DOCK8: variants seen among roughly 807,000 people sequenced by gnomAD.
The protein encoded by DOCK8 is dedicator of cytokinesis 8.
Under a neutral mutation model 245.6 loss-of-function variants are expected in DOCK8, and 141 were observed. The ratio of observed to expected loss-of-function variants is 0.57; its 90% confidence interval spans 0.50 to 0.66. The LOEUF (loss-of-function observed/expected upper bound fraction) is 0.66, where lower values mean the gene tolerates loss of function less well. Ranked by LOEUF, DOCK8 falls within the 30% of genes least tolerant of loss-of-function variation. The pLI, the probability that DOCK8 is intolerant of heterozygous loss-of-function variation, is 0.00. For missense variants in DOCK8, 2,965 were observed against 2,603.4 expected, an observed-to-expected ratio of 1.14 and a Z score of -3.02; for synonymous variants, 1,168 against 970.2, an observed-to-expected ratio of 1.20 and a Z score of -3.79.
At chr9:305,444 A>G (rs112566079) in intron 5 of DOCK8, among the ~76,000 whole-genome samples, 5,039 of 149,766 alleles carry the variant, frequency 0.034, 285 homozygotes, top group African/African-American at 0.1. Flanking sequence ...CACCACGCCC[A>G]GCTAATTTCT....
intron 1 of DOCK8, among the ~76,000 whole-genome samples, chr9:242,902 T>C (rs2047408845): frequency 6.6e-6 from 1 of 152,102 alleles, no homozygotes; most frequent in African/African-American, 2.4e-5. Context: ...CGCTGTCCAC[T>C]CTAAACAGTA....
intron 24 of DOCK8, among the ~76,000 whole-genome samples, chr9:392,056 T>G (rs1479949449): frequency 1.3e-5 from 2 of 151,146 alleles, no homozygotes; most frequent in Non-Finnish European, 2.9e-5. Flanking sequence ...GAGAATTGCT[T>G]GAACCTGGGA....
chr9:299,820 G>T (rs2049448167), intron 4 of DOCK8, among the ~76,000 whole-genome samples: 1 of 151,764 alleles, frequency 6.6e-6, no homozygotes, highest in African/African-American at 2.4e-5. Flanking sequence ...AGGAGATCGA[G>T]ACCATCCTGG....
At chr9:436,599 G>T (rs772093567) in intron 39 of DOCK8, among the ~76,000 whole-genome samples, 4 of 151,664 alleles carry the variant, frequency 2.6e-5, no homozygotes, top group Non-Finnish European at 2.9e-5. Flanking sequence ...TTTATATTTA[G>T]TAAGCCTTAC....
At chr9:366,949 A>G (rs1486014322) in intron 14 of DOCK8, among the ~76,000 whole-genome samples, 4 of 152,180 alleles carry the variant, frequency 2.6e-5, no homozygotes, top group African/African-American at 9.7e-5. Flanking sequence ...CTGAGAGAAT[A>G]CAGTGGTTAT....
At chr9:348,593 G>A (rs2052013642) in intron 14 of DOCK8, among the ~76,000 whole-genome samples, 1 of 152,208 alleles carries the variant, frequency 6.6e-6, no homozygotes, top group Admixed American at 6.5e-5. Context: ...CAATGGAGAA[G>A]TGGTGATGAA....
chr9:393,054 C>T (rs1184345498), intron 24 of DOCK8, among the ~76,000 whole-genome samples: 12 of 135,880 alleles, frequency 8.8e-5, no homozygotes, highest in Admixed American at 7.8e-4. Flanking sequence ...CCATTGCACT[C>T]CAGCCTGGGC....
chr9:342,297 CTTTTTTTT>C (rs34071975), intron 14 of DOCK8, among the ~76,000 whole-genome samples: 10,208 of 124,468 alleles, frequency 0.082, 454 homozygotes, highest in East Asian at 0.11. Context: ...TTTCTTTTTT[CTTTTTTTT>C]TTTTTTTTTG....
At chr9:405,101 A>G (rs1258438883) in intron 27 of DOCK8, 28 bp downstream of exon 27, 1 of 1,598,070 alleles carries the variant, frequency 6.3e-7, no homozygotes, top group Non-Finnish European at 8.6e-7. Flanking sequence ...TAACTAAAAG[A>G]ATTATTCAAG....
At chr9:354,322 G>A (rs867979628) in intron 14 of DOCK8, among the ~76,000 whole-genome samples, 12 of 152,168 alleles carry the variant, frequency 7.9e-5, no homozygotes, top group African/African-American at 2.9e-4. Flanking sequence ...GAATATTTTT[G>A]TGTGGGGAGT....
At chr9:236,691 T>C (rs1024272929) in intron 1 of DOCK8, among the ~76,000 whole-genome samples, 10 of 152,158 alleles carry the variant, frequency 6.6e-5, no homozygotes, top group Non-Finnish European at 2.9e-5. Flanking sequence ...AATCTCAAAA[T>C]CTCAGTGAAC....
chr9:300,626 C>A (rs1019329124), intron 4 of DOCK8, among the ~76,000 whole-genome samples: 5 of 151,482 alleles, frequency 3.3e-5, no homozygotes, highest in South Asian at 2.1e-4. Flanking sequence ...GAGAGAAGAT[C>A]GATCCAAATA....
intron 33 of DOCK8, 119 bp from the exon 34 acceptor site, chr9:426,766 T>C (rs2056518229): frequency 1.2e-6 from 1 of 807,610 alleles, no homozygotes; most frequent in African/African-American, 1.7e-5. Flanking sequence ...AGTTGCTCTG[T>C]TTTCATTTCA....
chr9:297,308 G>A (rs1442767244), intron 4 of DOCK8, among the ~76,000 whole-genome samples: 1 of 152,200 alleles, frequency 6.6e-6, no homozygotes, highest in South Asian at 2.1e-4. Flanking sequence ...TAAGGAGCCA[G>A]CGTCTGCACC....
chr9:316,597 G>A (rs1339676496), intron 6 of DOCK8, among the ~76,000 whole-genome samples: 2 of 152,168 alleles, frequency 1.3e-5, no homozygotes, highest in Non-Finnish European at 2.9e-5. Flanking sequence ...ATGGTTTACA[G>A]CCTTAAGTGA....
intron 19 of DOCK8, 150 bp from the exon 20 acceptor site, chr9:376,827 C>A: frequency 1.4e-6 from 1 of 729,810 alleles, no homozygotes; most frequent in Non-Finnish European, 2.4e-6. Flanking sequence ...AGTTCATAGC[C>A]TCGGTCTGAA....
intron 1 of DOCK8, among the ~76,000 whole-genome samples, chr9:233,147 A>G (rs891647555): frequency 1.9e-3 from 293 of 151,980 alleles, no homozygotes; most frequent in African/African-American, 6.6e-3. Flanking sequence ...CCTTCATTTC[A>G]TTATTTACCC....
intron 1 of DOCK8, among the ~76,000 whole-genome samples, chr9:247,734 T>C (rs12352585): frequency 0.013 from 1,936 of 152,132 alleles, 43 homozygotes; most frequent in African/African-American, 0.044. Flanking sequence ...AGACGGGGTT[T>C]CATCGTGTTA....
chr9:357,587 A>ATTTTTTTTT (rs112232586), intron 14 of DOCK8, among the ~76,000 whole-genome samples: 1 of 147,448 alleles, frequency 6.8e-6, no homozygotes, highest in African/African-American at 2.5e-5. Flanking sequence ...ATTTGATACC[A>ATTTTTTTTT]TTTTTTTTTT....
Sources: gnomAD v4.1 joint callset for allele counts (sites outside exome capture counted in the v4.1 genomes callset) on GRCh38, gnomAD v4.1.1 for gene constraint, MANE v1.5 for transcripts, NCBI Gene and HGNC (gene_info 2026-07-23, HGNC 2026-07-21) for gene names.